RIC1: variants seen among roughly 807,000 people sequenced by gnomAD.
The protein encoded by RIC1 is guanine nucleotide exchange factor subunit RIC1.
A neutral mutation model predicts 169.0 loss-of-function variants in RIC1; 88 were observed. The ratio of observed to expected loss-of-function variants is 0.52; its 90% CI spans 0.44 to 0.62. The LOEUF is 0.62. Ranked by LOEUF, RIC1 falls within the 20% of genes least tolerant of loss-of-function variation. The pLI is 0.00. For synonymous variants in RIC1, 790 were observed against 601.5 expected (o/e 1.31, Z -4.59); for missense variants, 1,877 against 1,725.5 (o/e 1.09, Z -1.56).
chr9:5,739,905 T>A (rs1012271209), intron 8 of RIC1, among the ~76,000 whole-genome samples: 3 of 152,224 alleles, frequency 2.0e-5, no homozygotes, highest in African/African-American at 4.8e-5. Context: ...AGACACCTGG[T>A]GAGGCTGTGC....
intron 2 of RIC1, among the ~76,000 whole-genome samples, chr9:5,678,760 G>A (rs1190205845): frequency 3.9e-5 from 6 of 152,266 alleles, no homozygotes; most frequent in African/African-American, 1.4e-4. Flanking sequence ...TGTCAGATGA[G>A]TAGGTTGCAA....
At chr9:5,687,946 A>G (rs1450308968) in intron 2 of RIC1, among the ~76,000 whole-genome samples, 2 of 151,880 alleles carry the variant, frequency 1.3e-5, no homozygotes, top group African/African-American at 4.8e-5. Flanking sequence ...TTCATTATGG[A>G]TAATTTTTAT....
chr9:5,721,770 T>G (rs1823604493), intron 6 of RIC1, among the ~76,000 whole-genome samples: 1 of 152,202 alleles, frequency 6.6e-6, no homozygotes, highest in African/African-American at 2.4e-5. Context: ...GCCTTGTTCT[T>G]TACATTTGCT....
At position 5,772,018 on chromosome 9, in the gene RIC1, C is replaced by G. The variant is rs535689065; in HGVS notation, c.3617-546C>G. 1.4e-3 allele frequency among the ~76,000 whole-genome samples: 209 copies of G among 152,190 alleles called. 1 individual carries two copies. Among genetic ancestry groups the G allele is most frequent in the Non-Finnish European group, 2.4e-3 (161 of 68,006 alleles). On this transcript the variant is annotated intron_variant, in intron 23 of 25. Transcript: ENST00000414202. Reference sequence around the variant, plus strand: ...ATAATTCCTTGGTACCATCAAATATCCATTAAGTATTCAGATTTCTAATTG... The same window carrying G: ...ATAATTCCTTGGTACCATCAAATATGCATTAAGTATTCAGATTTCTAATTG...
At chr9:5,748,218 A>C (rs10975270) in intron 12 of RIC1, among the ~76,000 whole-genome samples, 1 of 152,138 alleles carries the variant, frequency 6.6e-6, no homozygotes, top group East Asian at 1.9e-4. Flanking sequence ...TTTGATAGCA[A>C]AATATTTTAG....
chr9:5,634,920 G>T (rs1817897336), intron 1 of RIC1, among the ~76,000 whole-genome samples: 1 of 151,896 alleles, frequency 6.6e-6, no homozygotes, highest in Non-Finnish European at 1.5e-5. Context: ...TATTTGTGGG[G>T]TATATGGGAT....
At chr9:5,748,581 A>G (rs1284463669) in intron 12 of RIC1, 1 of 152,648 alleles carries the variant, frequency 6.6e-6, no homozygotes, top group East Asian at 1.9e-4. Flanking sequence ...CTTCTCTCCT[A>G]TAGCCATTTC....
At chr9:5,772,046 T>G (rs1285828937) in intron 23 of RIC1, among the ~76,000 whole-genome samples, 1 of 152,226 alleles carries the variant, frequency 6.6e-6, no homozygotes, top group Non-Finnish European at 1.5e-5. Flanking sequence ...TCTAATTGTT[T>G]CATAGACATC....
chr9:5,767,698 C>T (rs1826885874), intron 21 of RIC1, among the ~76,000 whole-genome samples: 1 of 152,170 alleles, frequency 6.6e-6, no homozygotes, highest in South Asian at 2.1e-4. Context: ...AGTGATTCTT[C>T]TGCCTCAGCC....
At chr9:5,706,921 A>G (rs908233266) in intron 3 of RIC1, among the ~76,000 whole-genome samples, 1 of 152,118 alleles carries the variant, frequency 6.6e-6, no homozygotes, top group African/African-American at 2.4e-5. Flanking sequence ...GATTTCATGT[A>G]TAGCCACTCT....
Position 5,654,432 on chromosome 9 carries a change from A to G in RIC1, c.145-2151A>G, listed in dbSNP as rs1426100915. ...CAGCTAATTTTTGTAATTTTTTAGT[A>G]GAGACGGGGTTTCACCATGTTGGCG... On this transcript the variant is annotated intron_variant, in intron 1 of 25. Transcript: ENST00000414202. Among the ~76,000 whole-genome samples, 3 of 152,108 alleles carry G rather than the reference A, an allele frequency of 2.0e-5. No homozygotes were observed. In the East Asian group the frequency reaches 5.8e-4, roughly 29 times the overall value.
chr9:5,633,696 A>G (rs1299001576), intron 1 of RIC1, among the ~76,000 whole-genome samples: 4 of 152,234 alleles, frequency 2.6e-5, no homozygotes, highest in African/African-American at 4.8e-5. Flanking sequence ...CAGATCCACC[A>G]TCTCACACAG....
chr9:5,741,547 C>T (rs1825082586), intron 8 of RIC1, among the ~76,000 whole-genome samples: 1 of 152,090 alleles, frequency 6.6e-6, no homozygotes, highest in Non-Finnish European at 1.5e-5. Context: ...TCTAGGTTTG[C>T]TGATCCTCTC....
intron 1 of RIC1, among the ~76,000 whole-genome samples, chr9:5,645,731 T>C (rs754227668): frequency 6.6e-6 from 1 of 152,232 alleles, no homozygotes; most frequent in African/African-American, 2.4e-5. Flanking sequence ...CAAAATTTCC[T>C]TCCTTCTTAA....
intron 8 of RIC1, among the ~76,000 whole-genome samples, chr9:5,740,827 C>T (rs1825041660): frequency 6.6e-6 from 1 of 152,040 alleles, no homozygotes; most frequent in East Asian, 1.9e-4. Flanking sequence ...TACTTTGTAT[C>T]CTTCAATTCA....
rs775330203 is a variant in RIC1 at position 5,642,603 on chromosome 9, C to T, written c.144+13150C>T. ...GTTGTGGCTAAGCAGGCACTCAAAC[C>T]GTAACACAAAATTCTTCCCACTTTT... On this transcript the variant is annotated intron_variant, in intron 1 of 25. Coordinates refer to ENST00000414202, the MANE Select transcript of RIC1 (RefSeq NM_020829.4). Among the ~76,000 whole-genome samples, 39 of 144,732 alleles carry T rather than the reference C, an allele frequency of 2.7e-4. 2 individuals are homozygous for T. Among genetic ancestry groups the T allele is most frequent in the Admixed American group, 3.4e-4 (5 of 14,904 alleles). The allele number at this position is 144,732 out of a possible 152,430, so 94.9% of individuals were successfully genotyped here. A position where few individuals can be genotyped will look rare whatever the true frequency, so the allele number is the denominator to read the frequency against.
intron 7 of RIC1, among the ~76,000 whole-genome samples, chr9:5,734,747 C>A (rs1235761063): frequency 2.0e-5 from 3 of 152,180 alleles, no homozygotes; most frequent in African/African-American, 7.2e-5. Flanking sequence ...AACTGGTCAA[C>A]ATTGTGAGAT....
chr9:5,699,027 G>A (rs188649286), intron 3 of RIC1, among the ~76,000 whole-genome samples: 1 of 152,328 alleles, frequency 6.6e-6, no homozygotes, highest in East Asian at 1.9e-4. Context: ...TAACAGACTT[G>A]ACTCCTCTGG....
At chr9:5,645,150 C>G (rs975657366) in intron 1 of RIC1, among the ~76,000 whole-genome samples, 7 of 151,858 alleles carry the variant, frequency 4.6e-5, no homozygotes, top group African/African-American at 1.7e-4. Context: ...AACTCTTGGG[C>G]TCAAGTGATC....
Sources: allele counts gnomAD v4.1 joint callset (sites outside exome capture counted in the v4.1 genomes callset), GRCh38; gene constraint gnomAD v4.1.1; transcripts MANE v1.5; gene names NCBI Gene and HGNC (gene_info 2026-07-23, HGNC 2026-07-21).